Variants in USH2A observed in about 807,000 individuals in gnomAD.
USH2A encodes the protein Usher syndrome 2A (autosomal recessive, mild).
A neutral mutation model predicts 538.9 loss-of-function variants in USH2A; 443 were observed. The ratio of observed to expected loss-of-function variants is 0.82; its 90% CI spans 0.76 to 0.89. The LOEUF is 0.89. Ranked by LOEUF, USH2A falls within the 40% of genes least tolerant of loss-of-function variation. The pLI, the probability that USH2A is intolerant of heterozygous loss-of-function variation, is 0.00. For missense variants in USH2A, 6,633 were observed against 6,324.8 expected (o/e 1.05, Z -1.65); for synonymous variants, 2,413 against 2,273.5 (o/e 1.06, Z -1.75).
At chr1:216,231,760 A>G (rs2035699107) in intron 14 of USH2A, among the ~76,000 whole-genome samples, 193 bp downstream of exon 14, 1 of 151,860 alleles carries the variant, frequency 6.6e-6, no homozygotes, top group Non-Finnish European at 1.5e-5. Context: ...GTTGGCCAGG[A>G]TGATATCGAC....
chr1:216,329,511 A>G (rs946308756), intron 4 of USH2A, among the ~76,000 whole-genome samples: 10 of 152,120 alleles, frequency 6.6e-5, no homozygotes, highest in African/African-American at 1.4e-4. Flanking sequence ...GAGGTAAGAG[A>G]TAATGTTGTC....
At chr1:215,636,943 G>A (rs1486524379) in intron 69 of USH2A, among the ~76,000 whole-genome samples, 2 of 151,908 alleles carry the variant, frequency 1.3e-5, no homozygotes, top group African/African-American at 2.4e-5. Flanking sequence ...ATGAGCCAAC[G>A]GGGGATTTCT....
chr1:216,376,686 G>T (rs892311916), intron 3 of USH2A, among the ~76,000 whole-genome samples: 1 of 152,060 alleles, frequency 6.6e-6, no homozygotes, highest in African/African-American at 2.4e-5. Flanking sequence ...TACTTCCAGG[G>T]AATAAGCCAA....
intron 38 of USH2A, among the ~76,000 whole-genome samples, chr1:215,910,239 G>C (rs1025950404): frequency 6.6e-6 from 1 of 151,790 alleles, no homozygotes; most frequent in African/African-American, 2.4e-5. Flanking sequence ...TGTTCAATTA[G>C]CACTTTTTAC....
intron 44 of USH2A, among the ~76,000 whole-genome samples, chr1:215,849,294 C>G (rs560811066): frequency 2.6e-5 from 4 of 152,080 alleles, no homozygotes; most frequent in Admixed American, 2.0e-4. Flanking sequence ...GAAAAAGAAG[C>G]CTCTATGAAG....
intron 32 of USH2A, among the ~76,000 whole-genome samples, chr1:216,041,291 A>C (rs1318782280): frequency 6.6e-6 from 1 of 152,038 alleles, no homozygotes; most frequent in African/African-American, 2.4e-5. Context: ...ATGCAAGGTA[A>C]AAAATTTGAA....
intron 49 of USH2A, among the ~76,000 whole-genome samples, chr1:215,805,824 T>A (rs1293403477): frequency 1.3e-5 from 2 of 151,620 alleles, no homozygotes; most frequent in East Asian, 3.9e-4. Context: ...AGAAAAAAAA[T>A]TCAGACCACA....
At chr1:216,336,716 GT>G (rs1286173710) in intron 4 of USH2A, among the ~76,000 whole-genome samples, 1 of 151,368 alleles carries the variant, frequency 6.6e-6, no homozygotes, top group Non-Finnish European at 1.5e-5. Flanking sequence ...GATATCTTAT[GT>G]TTTTTAAAGC....
Position 216,247,032 on chromosome 1 carries a change from C to A in USH2A, c.2362G>T (p.Asp788Tyr). The A allele has an allele frequency of 6.2e-7, 1 of 1,614,070 alleles. No individual in the cohort carries two copies. The highest frequency in any genetic ancestry group is 8.5e-7 in the Non-Finnish European group (1 of 1,179,966). The stretch of plus-strand genomic sequence containing the variant: ...TCACAGGCCTTACAATTGGTGACAT[C>A]TAACCCATAAAAGTTTTCTCTGCAG... The part of the protein sequence containing the change: ...DTCRENFYGL[D>Y]VTNCKACDCD... Residue 788 changes from aspartate (D) to tyrosine (Y), a missense_variant, in exon 13 of 72, where the codon GAT becomes TAT. Asp to Tyr is a radical substitution (Grantham distance 160). Coordinates refer to ENST00000307340, the MANE Select transcript of USH2A (RefSeq NM_206933.4).
intron 11 of USH2A, among the ~76,000 whole-genome samples, chr1:216,256,289 A>G (rs1447101075): frequency 8.0e-6 from 1 of 124,298 alleles, no homozygotes; most frequent in African/African-American, 3.0e-5. Context: ...GATATTTCCT[A>G]TTTGTCCCAT....
intron 67 of USH2A, among the ~76,000 whole-genome samples, chr1:215,645,874 C>T (rs1403860381): frequency 1.3e-5 from 2 of 151,216 alleles, no homozygotes; most frequent in Non-Finnish European, 2.9e-5. Context: ...ACCAGACATT[C>T]AAAGATCTGT....
chr1:215,674,632 C>T lies in USH2A; in HGVS notation c.13279G>A (p.Gly4427Arg), dbSNP rs1255592098. 11 of 1,614,164 alleles carry T rather than the reference C, an allele frequency of 6.8e-6. No individual in the cohort carries two copies. The highest frequency in any genetic ancestry group is 9.3e-6 in the Non-Finnish European group (11 of 1,180,034). The part of the protein sequence containing the change: ...YNFSLVACTN[G>R]GCTASVSKSA... ...TTTGACACACTAGCTGTGCAACCTC[C>T]ATTCGTGCAGGCTACAAGGGAGAAG... The change falls in exon 63 of 72, where the codon GGA (glycine) becomes AGA (arginine). Residue 4427 changes from glycine to arginine, a missense_variant. Transcript: ENST00000307340.
intron 32 of USH2A, among the ~76,000 whole-genome samples, chr1:216,031,276 C>G (rs1402954533): frequency 6.6e-6 from 1 of 151,932 alleles, no homozygotes; most frequent in Non-Finnish European, 1.5e-5. Flanking sequence ...AATTGAGCCC[C>G]CTATAAATAT....
chr1:216,176,507 C>A (rs1360509173), intron 20 of USH2A, among the ~76,000 whole-genome samples: 4 of 152,182 alleles, frequency 2.6e-5, no homozygotes, highest in Admixed American at 6.5e-5. Context: ...ATATCAACAT[C>A]CGGCACCCAA....
At chr1:215,797,922 A>G (rs1166477416) in intron 50 of USH2A, among the ~76,000 whole-genome samples, 2 of 152,178 alleles carry the variant, frequency 1.3e-5, no homozygotes, top group African/African-American at 4.8e-5. Context: ...ATCTGGACAA[A>G]GTAAATTGAA....
intron 40 of USH2A, among the ~76,000 whole-genome samples, chr1:215,889,972 T>G (rs556457782): frequency 1.3e-4 from 20 of 152,330 alleles, no homozygotes; most frequent in African/African-American, 3.8e-4. Flanking sequence ...GTTAAGTTTT[T>G]CAATTGAAAT....
intron 71 of USH2A, among the ~76,000 whole-genome samples, chr1:215,627,413 C>CTTCCTTCCTTCCTTCTTTCCTTCCTTCT (rs1558027242): frequency 3.7e-5 from 4 of 109,146 alleles, no homozygotes; most frequent in African/African-American, 1.1e-4. Context: ...TCCTTCCTTC[C>CTTCCTTCCTTCCTTCTTTCCTTCCTTCT]TTCCTTCCTT....
At chr1:216,088,338 A>C (rs2032198322) in intron 23 of USH2A, among the ~76,000 whole-genome samples, 1 of 152,110 alleles carries the variant, frequency 6.6e-6, no homozygotes, top group Non-Finnish European at 1.5e-5. Flanking sequence ...AAATTTATTT[A>C]TTCTGTATTT....
At chr1:215,963,792 G>T (rs938676380) in intron 37 of USH2A, among the ~76,000 whole-genome samples, 2 of 152,006 alleles carry the variant, frequency 1.3e-5, no homozygotes, top group African/African-American at 4.8e-5. Flanking sequence ...TGACATAAAA[G>T]CCCAGCTTTA....
Sources: gnomAD v4.1 joint callset for allele counts (sites outside exome capture counted in the v4.1 genomes callset) on GRCh38, gnomAD v4.1.1 for gene constraint, MANE v1.5 for transcripts, NCBI Gene and HGNC (gene_info 2026-07-23, HGNC 2026-07-21) for gene names.